The following LRPAP1 variants were observed in gnomAD, a reference collection of about 807,000 sequenced individuals.
The protein encoded by LRPAP1 is LDL receptor related protein associated protein 1, also known as alpha-2-macroglobulin receptor-associated protein.
Under a neutral mutation model 39.9 loss-of-function variants are expected in LRPAP1, and 41 were observed. That is an observed-to-expected ratio of 1.03 (90% CI 0.80 to 1.33). The LOEUF (loss-of-function observed/expected upper bound fraction) is 1.33, where lower values mean the gene tolerates loss of function less well. Ranked by LOEUF, LRPAP1 falls within the 40% of genes most tolerant of loss-of-function variation. The probability of loss-of-function intolerance (pLI) is 0.00; values close to 1 mark genes in which losing one functional copy is unlikely to be tolerated. For synonymous variants in LRPAP1, 263 were observed against 212.7 expected, an observed-to-expected ratio of 1.24 and a Z score of -2.06; for missense variants, 565 against 482.3, an observed-to-expected ratio of 1.17 and a Z score of -1.61.
intron 4 of LRPAP1, 32 bp from the exon 5 acceptor site, chr4:3,518,224 T>A: frequency 6.3e-7 from 1 of 1,593,676 alleles, no homozygotes. Flanking sequence ...GCCATGAGGC[T>A]GGGAGTCCTC....
rs1246330962 is a variant in LRPAP1, at chr4:3,507,086, T to C, written c.*5888A>G. On this transcript the variant is annotated 3_prime_UTR_variant, in exon 8 of 8. Coordinates refer to ENST00000650182, the MANE Select transcript of LRPAP1 (RefSeq NM_002337.4). ...ACCTTTTCTTTAAATTAGCAGAGCATAGTGATGCATGCCTGTAGTCCCAGC... is the reference window on the plus strand; with the variant it reads ...ACCTTTTCTTTAAATTAGCAGAGCACAGTGATGCATGCCTGTAGTCCCAGC... 2 of 152,094 alleles carry C rather than the reference T, an allele frequency of 1.3e-5. No homozygotes were observed. The highest frequency in any genetic ancestry group is 2.1e-4 in the South Asian group (1 of 4,822). 9.4% of individuals were successfully genotyped at this position (152,094 alleles called of 1,614,324 possible). A position where few individuals can be genotyped will look rare whatever the true frequency, so the allele number is the denominator to read the frequency against.
rs1729402379 is a variant in LRPAP1 at position 3,508,050 on chromosome 4, G to A, written c.*4924C>T. The A allele has an allele frequency of 6.6e-6, 1 of 152,122 alleles. No individual in the cohort carries two copies. Among genetic ancestry groups the A allele is most frequent in the African/African-American group, 2.4e-5 (1 of 41,400 alleles). 9.4% of individuals were successfully genotyped at this position (152,122 alleles called of 1,614,324 possible). On this transcript the variant is annotated 3_prime_UTR_variant, in exon 8 of 8. Transcript: ENST00000650182. ...AGACAGAGCCTCGCTCTGTTGCCCA[G>A]GCTGGAGTGCAGTGGTGTGATCTCA...
At chr4:3,531,165 G>A (rs1408661608) in intron 1 of LRPAP1, among the ~76,000 whole-genome samples, 4 of 152,016 alleles carry the variant, frequency 2.6e-5, no homozygotes, top group East Asian at 1.9e-4. Context: ...TGAACATTAC[G>A]CCTGGGGCTT....
In LRPAP1 at chr4:3,521,460, C is replaced by T. The variant is rs140633475; in HGVS notation, c.350-1267G>A. 7.3e-3 allele frequency among the ~76,000 whole-genome samples: 1,116 copies of T among 152,272 alleles called. 10 individuals carry two copies. The highest frequency in any genetic ancestry group is 0.012 in the Non-Finnish European group (819 of 68,014). On this transcript the variant is annotated intron_variant, in intron 2 of 7. Coordinates refer to ENST00000650182, the MANE Select transcript of LRPAP1 (RefSeq NM_002337.4). Reference sequence around the variant, plus strand: ...CTCTGGGCTCAGCAGGCCCCACCCCCGCACCTCTCCCAAAGGTCCATCCTC... The same window carrying T: ...CTCTGGGCTCAGCAGGCCCCACCCCTGCACCTCTCCCAAAGGTCCATCCTC...
Position 3,505,121 on chromosome 4 carries a change from G to A in LRPAP1, c.*7853C>T, listed in dbSNP as rs901648249. Among the ~76,000 whole-genome samples, 11 of 152,306 alleles carry A rather than the reference G, an allele frequency of 7.2e-5. No individual in the cohort carries two copies. The highest frequency in any genetic ancestry group is 2.4e-4 in the African/African-American group (10 of 41,576). ...TGGTGGCCCGGGTCCTGCCACGCAC[G>A]CAGCCATAGTGGGCTGGCTAAGCTG... On this transcript the variant is annotated 3_prime_UTR_variant, in exon 8 of 8. Coordinates refer to ENST00000650182, the MANE Select transcript of LRPAP1 (RefSeq NM_002337.4).
chr4:3,523,411 G>A (rs1349690972), intron 2 of LRPAP1, among the ~76,000 whole-genome samples: 4 of 152,250 alleles, frequency 2.6e-5, no homozygotes, highest in African/African-American at 9.6e-5. Flanking sequence ...GTCTCAACCA[G>A]ACTCTTGAAC....
intron 1 of LRPAP1, among the ~76,000 whole-genome samples, chr4:3,526,537 G>A (rs1000619086): frequency 1.3e-5 from 2 of 152,146 alleles, no homozygotes; most frequent in African/African-American, 2.4e-5. Flanking sequence ...GTCAAGAGCC[G>A]GCTGCCTTCC....
Position 3,512,938 on chromosome 4 carries a change from G to T in LRPAP1, c.*36C>A. 1 of 1,588,954 alleles carries T rather than the reference G, an allele frequency of 6.3e-7. No individual in the cohort carries two copies. Among genetic ancestry groups the T allele is most frequent in the Non-Finnish European group, 8.6e-7 (1 of 1,167,264 alleles). ...GCCAAGAGCCCAGGTCCTTCACGCT[G>T]GCCTCTTCCCTGCCGGGCTGGGCTC... On this transcript the variant is annotated 3_prime_UTR_variant, in exon 8 of 8. Transcript: ENST00000650182.
intron 2 of LRPAP1, among the ~76,000 whole-genome samples, chr4:3,522,815 G>A (rs1468462460): frequency 6.6e-6 from 1 of 152,148 alleles, no homozygotes; most frequent in Admixed American, 6.5e-5. Context: ...CCAGAGCAGA[G>A]CAGGGCAGGG....
At chr4:3,515,592 C>T (rs976315456) in intron 6 of LRPAP1, among the ~76,000 whole-genome samples, 3 of 152,262 alleles carry the variant, frequency 2.0e-5, no homozygotes, top group South Asian at 2.1e-4. Flanking sequence ...ATACTCAAGG[C>T]TGCCCACCCA....
intron 1 of LRPAP1, among the ~76,000 whole-genome samples, chr4:3,531,346 T>A (rs1347454893): frequency 6.6e-6 from 1 of 152,118 alleles, no homozygotes; most frequent in African/African-American, 2.4e-5. Context: ...TCACTTACTT[T>A]CCCTCTCAAA....
intron 3 of LRPAP1, 55 bp downstream of exon 3, chr4:3,520,017 A>T: frequency 6.3e-7 from 1 of 1,593,296 alleles, no homozygotes; most frequent in South Asian, 1.1e-5. Context: ...CCCCCGCCTT[A>T]ACACTCAACG....
chr4:3,520,940 AAGC>A (rs1729891200), intron 2 of LRPAP1, among the ~76,000 whole-genome samples: 1 of 152,180 alleles, frequency 6.6e-6, no homozygotes, highest in Non-Finnish European at 1.5e-5. Flanking sequence ...CATGATATGA[AAGC>A]AGGCGCTCGA....
chr4:3,522,728 G>A (rs974682655), intron 2 of LRPAP1, among the ~76,000 whole-genome samples: 42 of 149,344 alleles, frequency 2.8e-4, no homozygotes, highest in African/African-American at 9.2e-4. Context: ...TGGGGAGGAC[G>A]GACGCCGCCC....
chr4:3,513,014 A>G lies in LRPAP1; in HGVS notation c.1034T>C (p.Leu345Pro), dbSNP rs1729580089. Reference sequence around the variant, plus strand: ...CCGAGCTCTGGAGATCCTGCCGGACAGGTCCTGCAGATGCTTCTTCACCTG... The same window carrying G: ...CCGAGCTCTGGAGATCCTGCCGGACGGGTCCTGCAGATGCTTCTTCACCTG... ...GYTVKKHLQD[L>P]SGRISRARHN... The change falls in exon 8 of 8, where the codon CTG becomes CCG. Residue 345 changes from leucine to proline, a missense_variant. By Grantham distance (98) the Leu-to-Pro change is moderately conservative (BLOSUM62 -3). Coordinates refer to ENST00000650182, the MANE Select transcript of LRPAP1 (RefSeq NM_002337.4). The G allele has an allele frequency of 2.5e-6, 4 of 1,612,592 alleles. No individual in the cohort carries two copies. In the South Asian group the frequency reaches 3.3e-5, roughly 13 times the overall value.
At chr4:3,532,094 C>T (rs1165817423) in intron 1 of LRPAP1, 115 bp downstream of exon 1, 2 of 1,195,544 alleles carry the variant, frequency 1.7e-6, no homozygotes, top group African/African-American at 3.1e-5. Flanking sequence ...GCGCGTAGGG[C>T]ACAGGTGCCC....
chr4:3,517,925 G>C (rs780628885), intron 5 of LRPAP1, 109 bp downstream of exon 5: 25 of 1,399,652 alleles, frequency 1.8e-5, no homozygotes, highest in Non-Finnish European at 2.4e-5. Flanking sequence ...TCTCCGCTGC[G>C]TCCACAGGCC....
At chr4:3,517,760 G>T in intron 5 of LRPAP1, 1 of 388,552 alleles carries the variant, frequency 2.6e-6, no homozygotes, top group Non-Finnish European at 4.6e-6. Flanking sequence ...GCTGAGGCTG[G>T]GGAGACGCTG....
chr4:3,530,766 G>A (rs1192610079), intron 1 of LRPAP1, among the ~76,000 whole-genome samples: 1 of 152,206 alleles, frequency 6.6e-6, no homozygotes, highest in African/African-American at 2.4e-5. Context: ...ACCAGCTGGA[G>A]GTGGCTGGAG....
Sources: gnomAD v4.1 joint callset for allele counts (sites outside exome capture counted in the v4.1 genomes callset) on GRCh38, gnomAD v4.1.1 for gene constraint, MANE v1.5 for transcripts, NCBI Gene and HGNC (gene_info 2026-07-23, HGNC 2026-07-21) for gene names.